CDC42BPA: variants seen among roughly 807,000 people sequenced by gnomAD.
CDC42BPA encodes CDC42 binding protein kinase alpha.
A neutral mutation model predicts 223.5 loss-of-function variants in CDC42BPA; 80 were observed. That is an observed-to-expected ratio of 0.36 (90% CI 0.30 to 0.43). CDC42BPA has a LOEUF of 0.43. Ranked by LOEUF, CDC42BPA falls within the 20% of genes least tolerant of loss-of-function variation. The pLI is 1.00. For synonymous variants in CDC42BPA, 694 were observed against 718.6 expected, an observed-to-expected ratio of 0.97 and a Z score of 0.55; for missense variants, 1,743 against 2,099.9, an observed-to-expected ratio of 0.83 and a Z score of 3.32.
chr1:227,054,278 T>C (rs1452472594), intron 21 of CDC42BPA, among the ~76,000 whole-genome samples: 1 of 152,162 alleles, frequency 6.6e-6, no homozygotes, highest in Non-Finnish European at 1.5e-5. Flanking sequence ...TCTTTAAAAA[T>C]GGGAAAGGCC....
Position 227,051,989 on chromosome 1 carries a change from GGA to G in CDC42BPA, c.2905-6_2905-5del. The G allele has an allele frequency of 2.2e-6, 3 of 1,363,500 alleles. No individual in the cohort carries two copies. The Admixed American group carries it at 5.7e-5, about 26-fold the overall frequency. 84.5% of individuals were successfully genotyped at this position (1,363,500 alleles called of 1,614,324 possible). ...ATGTGTTCTCAACGGGATCAGTCTAGGAAAATAAGTCGGGAAAAATAAAAACC... is the reference window on the plus strand; with the variant it reads ...ATGTGTTCTCAACGGGATCAGTCTAGAAATAAGTCGGGAAAAATAAAAACC... On this transcript the variant is annotated splice_polypyrimidine_tract_variant and splice_region_variant and intron_variant, in intron 21 of 36. Transcript: ENST00000366766.
chr1:227,306,212 G>T (rs183254180), intron 1 of CDC42BPA, among the ~76,000 whole-genome samples: 1 of 149,134 alleles, frequency 6.7e-6, no homozygotes, highest in Admixed American at 6.7e-5. Flanking sequence ...TCAAGTTAGA[G>T]GTACATGTAA....
intron 23 of CDC42BPA, among the ~76,000 whole-genome samples, chr1:227,041,738 G>A (rs993078556): frequency 2.6e-5 from 4 of 152,140 alleles, no homozygotes; most frequent in African/African-American, 7.2e-5. Flanking sequence ...AAAGCATTGT[G>A]TTCTAGAAGT....
intron 1 of CDC42BPA, among the ~76,000 whole-genome samples, chr1:227,259,869 T>C (rs1241066613): frequency 6.6e-6 from 1 of 150,940 alleles, no homozygotes; most frequent in Non-Finnish European, 1.5e-5. Flanking sequence ...ATTGTCTTAA[T>C]GTACTCTAGT....
chr1:227,064,517 G>C (rs1221280092), intron 21 of CDC42BPA, among the ~76,000 whole-genome samples: 1 of 152,036 alleles, frequency 6.6e-6, no homozygotes, highest in Non-Finnish European at 1.5e-5. Flanking sequence ...GTTACTATTG[G>C]GATGAAGGGA....
intron 2 of CDC42BPA, among the ~76,000 whole-genome samples, chr1:227,249,505 G>C (rs1431403669): frequency 3.9e-5 from 6 of 152,086 alleles, no homozygotes. Flanking sequence ...ACAGTGAAGA[G>C]ACAACCCACA....
In CDC42BPA at chr1:227,308,350, C is replaced by A. The variant is rs796837671; in HGVS notation, c.178+8655G>T. On this transcript the variant is annotated intron_variant, in intron 1 of 36. Coordinates refer to ENST00000366766, the MANE Select transcript of CDC42BPA (RefSeq NM_001394014.1). ...GTGAAACCTTGTGTCTACTAAAATACAAGAAAAAAATTAGCCAGGCATGGC... is the reference window on the plus strand; with the variant it reads ...GTGAAACCTTGTGTCTACTAAAATAAAAGAAAAAAATTAGCCAGGCATGGC... Among the ~76,000 whole-genome samples, 38 of 151,594 alleles carry A rather than the reference C, an allele frequency of 2.5e-4. 1 individual carries two copies. Among genetic ancestry groups the A allele is most frequent in the African/African-American group, 8.2e-4 (34 of 41,382 alleles).
intron 5 of CDC42BPA, among the ~76,000 whole-genome samples, chr1:227,166,231 T>C (rs11800364): frequency 0.054 from 8,238 of 152,302 alleles, 251 homozygotes; most frequent in Non-Finnish European, 0.073. Context: ...TGGTCACTAT[T>C]TGGGCAGACG....
At chr1:227,094,004 G>T (rs1164183871) in intron 15 of CDC42BPA, among the ~76,000 whole-genome samples, 1 of 152,092 alleles carries the variant, frequency 6.6e-6, no homozygotes, top group Non-Finnish European at 1.5e-5. Flanking sequence ...ACATCAAAAA[G>T]GGAGGCCAAC....
At chr1:227,034,857 A>G in intron 25 of CDC42BPA, 63 bp from the exon 26 acceptor site, 2 of 1,447,664 alleles carry the variant, frequency 1.4e-6, no homozygotes, top group South Asian at 1.3e-5. Flanking sequence ...CCCTTAAATT[A>G]CATATGTAAT....
intron 34 of CDC42BPA, among the ~76,000 whole-genome samples, chr1:227,010,095 C>T (rs1371151521): frequency 1.3e-5 from 2 of 152,134 alleles, no homozygotes; most frequent in Non-Finnish European, 2.9e-5. Flanking sequence ...TGTAAGCATA[C>T]ACCACTTGAT....
At chr1:227,021,131 C>T (rs762031317) in intron 32 of CDC42BPA, among the ~76,000 whole-genome samples, 3 of 151,994 alleles carry the variant, frequency 2.0e-5, no homozygotes, top group East Asian at 1.9e-4. Flanking sequence ...CACAGATCAC[C>T]GTAACAGACA....
At chr1:227,070,640 T>C (rs1279162161) in intron 20 of CDC42BPA, among the ~76,000 whole-genome samples, 1 of 151,878 alleles carries the variant, frequency 6.6e-6, no homozygotes, top group Non-Finnish European at 1.5e-5. Flanking sequence ...CATTCAAATA[T>C]TGAGAGTGTG....
intron 5 of CDC42BPA, among the ~76,000 whole-genome samples, chr1:227,172,345 T>C (rs1277017487): frequency 1.3e-5 from 2 of 152,326 alleles, no homozygotes; most frequent in East Asian, 1.9e-4. Flanking sequence ...AATAAAAAAC[T>C]AATGATTCTA....
At chr1:227,074,680 C>A (rs1679097232) in intron 17 of CDC42BPA, among the ~76,000 whole-genome samples, 2 of 152,158 alleles carry the variant, frequency 1.3e-5, no homozygotes, top group Non-Finnish European at 2.9e-5. Context: ...CACAGATGCA[C>A]AAATGTGTGA....
intron 35 of CDC42BPA, chr1:227,004,579 T>C (rs17528077): frequency 0.17 from 36,826 of 221,414 alleles, 3,815 homozygotes; most frequent in Non-Finnish European, 0.23. Flanking sequence ...CACTACCATG[T>C]AGCCATACTA....
intron 1 of CDC42BPA, among the ~76,000 whole-genome samples, chr1:227,259,756 T>C (rs1318815072): frequency 6.6e-6 from 1 of 150,932 alleles, no homozygotes; most frequent in Admixed American, 6.6e-5. Context: ...ACACACCAAC[T>C]TAGAAGTAAT....
chr1:227,208,510 T>G (rs904346105), intron 3 of CDC42BPA, among the ~76,000 whole-genome samples: 3 of 149,014 alleles, frequency 2.0e-5, no homozygotes, highest in Non-Finnish European at 4.5e-5. Flanking sequence ...AAGTCTTTAA[T>G]CCATCTTGAA....
At chr1:227,194,061 C>T (rs1305573201) in intron 4 of CDC42BPA, 127 bp from the exon 5 acceptor site, 10 of 584,846 alleles carry the variant, frequency 1.7e-5, no homozygotes. Flanking sequence ...TGCTAATTAA[C>T]AAGAAACTGT....
Sources: gnomAD v4.1 joint callset for allele counts (sites outside exome capture counted in the v4.1 genomes callset) on GRCh38, gnomAD v4.1.1 for gene constraint, MANE v1.5 for transcripts, NCBI Gene and HGNC (gene_info 2026-07-23, HGNC 2026-07-21) for gene names.